Variants in MAP3K13 observed in about 807,000 individuals in gnomAD.
The protein encoded by MAP3K13 is leucine zipper-bearing kinase.
In MAP3K13, 52 loss-of-function variants were observed where a neutral mutation model predicts 104.0. The ratio of observed to expected loss-of-function variants is 0.50; its 90% CI spans 0.40 to 0.63. MAP3K13 has a LOEUF of 0.63. MAP3K13 is among the 20% of genes least tolerant of loss of function. The pLI, the probability that MAP3K13 is intolerant of heterozygous loss-of-function variation, is 0.00. For synonymous variants in MAP3K13, 394 were observed against 442.2 expected, an observed-to-expected ratio of 0.89 and a Z score of 1.37; for missense variants, 914 against 1,218.5, an observed-to-expected ratio of 0.75 and a Z score of 3.72.
intron 7 of MAP3K13, among the ~76,000 whole-genome samples, chr3:185,457,764 A>G (rs1442450974): frequency 6.6e-6 from 1 of 151,952 alleles, no homozygotes; most frequent in Non-Finnish European, 1.5e-5. Context: ...CTATTTTGCT[A>G]CCTCCTAGAA....
chr3:185,324,297 C>T lies in MAP3K13; in HGVS notation c.-86+38654C>T, dbSNP rs986437391. Among the ~76,000 whole-genome samples, 162 of 152,290 alleles carry T rather than the reference C, an allele frequency of 1.1e-3. 1 individual carries two copies. Among genetic ancestry groups the T allele is most frequent in the East Asian group, 1.2e-3 (6 of 5,186 alleles). On this transcript the variant is annotated intron_variant, in intron 2 of 14. Transcript: ENST00000424227. The stretch of plus-strand genomic sequence containing the variant: ...CCTCCCAAAGTGCTGGGATTACAGG[C>T]GTGAGCCACCGCGCCCAGCCGAGTG...
In MAP3K13 at chr3:185,480,388, C is replaced by T. The variant is rs149975635; in HGVS notation, c.2658C>T (p.Asp886=). The T allele has an allele frequency of 9.0e-5, 145 of 1,614,182 alleles. No individual in the cohort carries two copies. The Middle Eastern group carries it at 1.3e-3, about 15-fold the overall frequency. The change falls in exon 13 of 14, where the codon GAC becomes GAT. Residue 886 remains aspartate (D), a synonymous_variant. Coordinates refer to ENST00000265026, the MANE Select transcript of MAP3K13 (RefSeq NM_004721.5). ...KLEDRLAEKL[D]DLLSQTPEIP... is the part of the protein sequence containing the mutation. Reference sequence around the variant, plus strand: ...AAGACCGCTTGGCAGAGAAGCTAGACGACCTGCTGTCCCAGACGCCAGAGA... The same window carrying T: ...AAGACCGCTTGGCAGAGAAGCTAGATGACCTGCTGTCCCAGACGCCAGAGA...
At chr3:185,335,737 T>C (rs1379187467) in intron 2 of MAP3K13, among the ~76,000 whole-genome samples, 2 of 152,206 alleles carry the variant, frequency 1.3e-5, no homozygotes, top group Non-Finnish European at 2.9e-5. Flanking sequence ...TGTGAATCAT[T>C]GTTATACTTT....
rs192384148 is a variant in MAP3K13, at chr3:185,343,018, G to T, written c.-86+57375G>T. 2.6e-5 allele frequency among the ~76,000 whole-genome samples: 4 copies of T among 152,170 alleles called. No individual in the cohort carries two copies. The East Asian group carries it at 5.8e-4, about 22-fold the overall frequency. On this transcript the variant is annotated intron_variant, in intron 2 of 14. Coordinates refer to the MAP3K13 transcript ENST00000424227. ...TTTTTCTCCCTGTTGGCTAAAGTCTGCCCTTAGGTCATAGAGGCCACCCAC... is the reference window on the plus strand; with the variant it reads ...TTTTTCTCCCTGTTGGCTAAAGTCTTCCCTTAGGTCATAGAGGCCACCCAC...
At chr3:185,306,678 T>C (rs1203666813) in intron 2 of MAP3K13, among the ~76,000 whole-genome samples, 1 of 152,194 alleles carries the variant, frequency 6.6e-6, no homozygotes, top group Admixed American at 6.5e-5. Context: ...TTCTGGATAT[T>C]AGACCTTTTG....
chr3:185,452,288 A>T (rs567438930), intron 7 of MAP3K13, among the ~76,000 whole-genome samples: 22 of 152,200 alleles, frequency 1.4e-4, no homozygotes, highest in African/African-American at 5.3e-4. Context: ...CCGTGGTCTG[A>T]TCTCGGCTCA....
intron 1 of MAP3K13, among the ~76,000 whole-genome samples, chr3:185,421,167 TTTTTG>T (rs568038152): frequency 6.6e-5 from 10 of 152,008 alleles, no homozygotes; most frequent in Admixed American, 2.6e-4. Flanking sequence ...TTCTTTTCTT[TTTTTG>T]TTTTGTTTTG....
At chr3:185,319,452 T>C (rs955189897) in intron 2 of MAP3K13, among the ~76,000 whole-genome samples, 28 of 152,186 alleles carry the variant, frequency 1.8e-4, no homozygotes, top group Non-Finnish European at 3.8e-4. Context: ...AGTAAAGCTA[T>C]GTCCTGGCCT....
intron 3 of MAP3K13, among the ~76,000 whole-genome samples, chr3:185,442,988 G>A (rs1019330175): frequency 3.9e-5 from 6 of 151,942 alleles, no homozygotes; most frequent in African/African-American, 9.7e-5. Context: ...ACAGGCGCGC[G>A]CCACCATGCC....
At chr3:185,471,858 G>C (rs973268357) in intron 10 of MAP3K13, among the ~76,000 whole-genome samples, 1 of 152,200 alleles carries the variant, frequency 6.6e-6, no homozygotes, top group African/African-American at 2.4e-5. Flanking sequence ...TACTGGTAGA[G>C]CTGTGTTTCA....
At chr3:185,468,154 A>G (rs1577611801) in intron 10 of MAP3K13, among the ~76,000 whole-genome samples, 1 of 152,124 alleles carries the variant, frequency 6.6e-6, no homozygotes, top group African/African-American at 2.4e-5. Context: ...AGGGATTACA[A>G]TCCGACATGA....
intron 1 of MAP3K13, among the ~76,000 whole-genome samples, chr3:185,398,301 G>A (rs1712545824): frequency 6.6e-6 from 1 of 152,012 alleles, no homozygotes; most frequent in African/African-American, 2.4e-5. Context: ...TTCATTTAGG[G>A]TTTATCAGAT....
At chr3:185,377,669 C>G (rs4686596) in intron 1 of MAP3K13, among the ~76,000 whole-genome samples, 52,183 of 151,392 alleles carry the variant, frequency 0.34, 9,132 homozygotes, top group East Asian at 0.41. Context: ...ACAGGCCCTT[C>G]AAAAGAAGGT....
intron 1 of MAP3K13, chr3:185,283,054 G>A (rs982655877): frequency 3.3e-5 from 5 of 152,672 alleles, no homozygotes; most frequent in African/African-American, 1.2e-4. Context: ...TCTGAACGGG[G>A]GGCGAGGGTG....
At chr3:185,335,375 A>T (rs1217282570) in intron 2 of MAP3K13, among the ~76,000 whole-genome samples, 1 of 152,182 alleles carries the variant, frequency 6.6e-6, no homozygotes, top group African/African-American at 2.4e-5. Context: ...ACTCGAGTAA[A>T]GAAAACCCTT....
intron 1 of MAP3K13, among the ~76,000 whole-genome samples, chr3:185,388,434 C>T (rs1032416977): frequency 5.9e-5 from 9 of 151,706 alleles, no homozygotes; most frequent in African/African-American, 1.9e-4. Flanking sequence ...CCCAGGAGGC[C>T]GAGGCTGTAG....
At chr3:185,357,546 C>T (rs1283739180) in intron 2 of MAP3K13, among the ~76,000 whole-genome samples, 1 of 151,574 alleles carries the variant, frequency 6.6e-6, no homozygotes, top group African/African-American at 2.4e-5. Flanking sequence ...TCTTCTTTTG[C>T]TCTTTCAGTG....
intron 2 of MAP3K13, among the ~76,000 whole-genome samples, chr3:185,295,327 C>T (rs1257761002): frequency 6.6e-6 from 1 of 152,184 alleles, no homozygotes; most frequent in African/African-American, 2.4e-5. Context: ...GCCTCTGCCT[C>T]CCAAGTAGCT....
At chr3:185,383,546 A>C (rs1711516591) in intron 1 of MAP3K13, among the ~76,000 whole-genome samples, 1 of 140,676 alleles carries the variant, frequency 7.1e-6, no homozygotes, top group South Asian at 2.4e-4. Context: ...TGGGCGACAG[A>C]GTGAGACTCT....
Sources: allele counts gnomAD v4.1 joint callset (sites outside exome capture counted in the v4.1 genomes callset), GRCh38; gene constraint gnomAD v4.1.1; transcripts MANE v1.5; gene names NCBI Gene and HGNC (gene_info 2026-07-23, HGNC 2026-07-21).